The following ARHGEF26 variants were observed in gnomAD, a reference collection of about 807,000 sequenced individuals.
ARHGEF26 encodes the protein Rho guanine nucleotide exchange factor 26, also known as Rho guanine nucleotide exchange factor (GEF) 26.
In ARHGEF26, 59 loss-of-function variants were observed where a neutral mutation model predicts 89.4. The ratio of observed to expected loss-of-function variants is 0.66; its 90% confidence interval spans 0.54 to 0.82. The LOEUF is 0.82. Ranked by LOEUF, ARHGEF26 falls within the 40% of genes least tolerant of loss-of-function variation. ARHGEF26 has a pLI of 0.00. For synonymous variants in ARHGEF26, 500 were observed against 428.4 expected (o/e 1.17, Z -2.06); for missense variants, 1,234 against 1,085.6 (o/e 1.14, Z -1.92).
intron 7 of ARHGEF26, among the ~76,000 whole-genome samples, chr3:154,188,660 C>T (rs960867570): frequency 6.6e-6 from 1 of 152,084 alleles, no homozygotes; most frequent in African/African-American, 2.4e-5. Flanking sequence ...GCATTTATGA[C>T]CACGGCATGG....
At chr3:154,251,565 C>T (rs1718147652) in intron 12 of ARHGEF26, among the ~76,000 whole-genome samples, 2 of 152,108 alleles carry the variant, frequency 1.3e-5, no homozygotes, top group African/African-American at 4.8e-5. Context: ...TTACTGTTGA[C>T]CAGCAATATA....
At chr3:154,229,467 A>G (rs895505811) in intron 11 of ARHGEF26, among the ~76,000 whole-genome samples, 1 of 152,202 alleles carries the variant, frequency 6.6e-6, no homozygotes, top group African/African-American at 2.4e-5. Context: ...TACATGATTG[A>G]TTACTCTGGA....
chr3:154,154,115 A>C (rs1219692729), intron 6 of ARHGEF26, among the ~76,000 whole-genome samples: 4 of 152,114 alleles, frequency 2.6e-5, no homozygotes, highest in Non-Finnish European at 5.9e-5. Context: ...ACATCCATCT[A>C]TTCATATATT....
chr3:154,219,683 T>G (rs188011982), intron 10 of ARHGEF26, among the ~76,000 whole-genome samples: 29 of 151,796 alleles, frequency 1.9e-4, no homozygotes, highest in Middle Eastern at 3.4e-3. Flanking sequence ...TCATTAAAAG[T>G]AAGTGATTAA....
chr3:154,243,152 C>T (rs1458347013), intron 12 of ARHGEF26, among the ~76,000 whole-genome samples: 1 of 152,108 alleles, frequency 6.6e-6, no homozygotes, highest in Non-Finnish European at 1.5e-5. Context: ...TTTTAGTATG[C>T]CTGTGCTTTG....
At chr3:154,247,811 A>G (rs947953623) in intron 12 of ARHGEF26, among the ~76,000 whole-genome samples, 4 of 152,288 alleles carry the variant, frequency 2.6e-5, no homozygotes, top group South Asian at 2.1e-4. Context: ...ATACTGTGTT[A>G]TATCTGTTTG....
chr3:154,221,581 A>G (rs946199215), intron 10 of ARHGEF26, among the ~76,000 whole-genome samples: 1 of 152,254 alleles, frequency 6.6e-6, no homozygotes, highest in Admixed American at 6.5e-5. Flanking sequence ...CTAAATATCT[A>G]TCAAAGAGGA....
chr3:154,227,119 G>A (rs1716540151), intron 11 of ARHGEF26, among the ~76,000 whole-genome samples: 1 of 152,080 alleles, frequency 6.6e-6, no homozygotes, highest in African/African-American at 2.4e-5. Flanking sequence ...CTGTCTAGCT[G>A]AAATGAAATG....
At chr3:154,183,072 A>G (rs1713283188) in intron 6 of ARHGEF26, among the ~76,000 whole-genome samples, 2 of 152,192 alleles carry the variant, frequency 1.3e-5, no homozygotes, top group South Asian at 4.1e-4. Context: ...GGTGGACCTT[A>G]TATGTTTGGT....
intron 6 of ARHGEF26, among the ~76,000 whole-genome samples, chr3:154,168,564 C>T (rs1209716784): frequency 6.6e-6 from 1 of 152,082 alleles, no homozygotes; most frequent in Non-Finnish European, 1.5e-5. Context: ...GTGACAGAGA[C>T]TCTCTGTGTC....
rs775191832 is a variant in ARHGEF26 at position 154,122,191 on chromosome 3, C to A, written c.199C>A (p.Gln67Lys). Residue 67 changes from glutamine (Q) to lysine (K), a missense_variant, in exon 2 of 15, where the codon CAG (glutamine) becomes AAG (lysine). By Grantham distance (53) the Gln-to-Lys change is moderately conservative. Transcript: ENST00000465093. Reference protein sequence around the residue: ...GTLLAAQIPAQVPTASDSRTV... With the variant: ...GTLLAAQIPAKVPTASDSRTV... ...GCTCCTCGCAGCGCAGATTCCCGCC[C>A]AGGTGCCCACCGCCTCGGACAGCAG... The A allele has an allele frequency of 6.2e-7, 1 of 1,601,806 alleles. No individual in the cohort carries two copies.
At chr3:154,240,322 G>A (rs1347808099) in intron 11 of ARHGEF26, 48 bp from the exon 12 acceptor site, 2 of 1,448,562 alleles carry the variant, frequency 1.4e-6, no homozygotes, top group African/African-American at 2.8e-5. Flanking sequence ...GACAATGTCA[G>A]TCTTATCTGC....
chr3:154,137,898 C>A (rs1265978069), intron 4 of ARHGEF26, among the ~76,000 whole-genome samples: 1 of 152,016 alleles, frequency 6.6e-6, no homozygotes, highest in East Asian at 1.9e-4. Flanking sequence ...TTTGTGCAAT[C>A]CCAGTCTCTA....
At chr3:154,244,370 A>T (rs1717670327) in intron 12 of ARHGEF26, among the ~76,000 whole-genome samples, 2 of 152,208 alleles carry the variant, frequency 1.3e-5, no homozygotes, top group South Asian at 4.1e-4. Context: ...GAATGCAGAA[A>T]TGCTCACCAA....
chr3:154,226,066 T>C, intron 11 of ARHGEF26, 56 bp downstream of exon 11: 2 of 1,500,086 alleles, frequency 1.3e-6, no homozygotes, highest in Non-Finnish European at 1.8e-6. Context: ...GTTCTGTAAT[T>C]CAGATGCCTG....
chr3:154,167,790 G>A (rs1288460057), intron 6 of ARHGEF26, among the ~76,000 whole-genome samples: 1 of 152,142 alleles, frequency 6.6e-6, no homozygotes, highest in African/African-American at 2.4e-5. Flanking sequence ...TTTGGATCCT[G>A]TCAATTTATT....
At chr3:154,201,131 C>G (rs566956767) in intron 9 of ARHGEF26, among the ~76,000 whole-genome samples, 49 of 152,026 alleles carry the variant, frequency 3.2e-4, no homozygotes, top group African/African-American at 1.1e-3. Flanking sequence ...TTAGGTTTAT[C>G]TCCTAATGCT....
chr3:154,205,129 A>G (rs1381143598), intron 9 of ARHGEF26, among the ~76,000 whole-genome samples: 1 of 152,108 alleles, frequency 6.6e-6, no homozygotes, highest in African/African-American at 2.4e-5. Context: ...TTATGGTACT[A>G]TGGTGTATCT....
intron 11 of ARHGEF26, among the ~76,000 whole-genome samples, chr3:154,235,611 T>C (rs573230401): frequency 6.6e-5 from 10 of 152,372 alleles, no homozygotes; most frequent in Non-Finnish European, 2.9e-5. Flanking sequence ...CTGTCATATC[T>C]ATGTATTTTT....
Sources: allele counts gnomAD v4.1 joint callset (sites outside exome capture counted in the v4.1 genomes callset), GRCh38; gene constraint gnomAD v4.1.1; transcripts MANE v1.5; gene names NCBI Gene and HGNC (gene_info 2026-07-23, HGNC 2026-07-21).